The following PIWIL2 variants were observed in gnomAD, a reference collection of about 807,000 sequenced individuals.
PIWIL2 encodes the protein piwi-like protein 2.
Under a neutral mutation model 116.5 loss-of-function variants are expected in PIWIL2, and 81 were observed. The observed-to-expected ratio is 0.70, with a 90% confidence interval of 0.58 to 0.84. The LOEUF is 0.84. Among genes scored for constraint, PIWIL2 ranks in the 40% least tolerant of loss-of-function variants. The pLI is 0.00. For missense variants in PIWIL2, 1,272 were observed against 1,212.3 expected (o/e 1.05, Z -0.73); for synonymous variants, 489 against 429.5 (o/e 1.14, Z -1.71).
chr8:22,338,416 TG>T (rs1002826398), intron 20 of PIWIL2, among the ~76,000 whole-genome samples: 66 of 152,150 alleles, frequency 4.3e-4, no homozygotes, highest in African/African-American at 1.6e-3. Flanking sequence ...AATGGCCAGG[TG>T]GGGTGGCTCA....
intron 20 of PIWIL2, among the ~76,000 whole-genome samples, chr8:22,352,025 A>G (rs1240786919): frequency 1.3e-5 from 2 of 152,030 alleles, no homozygotes; most frequent in African/African-American, 4.8e-5. Flanking sequence ...GCTTGCTGCA[A>G]CCTCCACCCC....
intron 10 of PIWIL2, among the ~76,000 whole-genome samples, chr8:22,300,913 A>G (rs1831030911): frequency 6.6e-6 from 1 of 152,150 alleles, no homozygotes; most frequent in Non-Finnish European, 1.5e-5. Context: ...TATCAGGTGA[A>G]TGATATGCAC....
intron 1 of PIWIL2, chr8:22,275,917 G>A (rs1185604490): frequency 6.6e-6 from 1 of 152,324 alleles, no homozygotes; most frequent in Non-Finnish European, 1.5e-5. Flanking sequence ...CTGGGAGAGG[G>A]CCCTCTGGGG....
At position 22,308,045 on chromosome 8, in the gene PIWIL2, G is replaced by A. The variant is rs1831231120; in HGVS notation, c.1658G>A (p.Gly553Glu). 6.2e-7 allele frequency: 1 copy of A among 1,613,820 alleles called. No individual in the cohort carries two copies. Among genetic ancestry groups the A allele is most frequent in the South Asian group, 1.1e-5 (1 of 91,050 alleles). Residue 553 changes from glycine (G) to glutamate (E), a missense_variant, in exon 14 of 23, where the codon GGG becomes GAG. Transcript: ENST00000356766. ...EAATNELMRW[G>E]LRLQKDVHKI... The stretch of plus-strand genomic sequence containing the variant: ...GCCACCAATGAACTGATGCGTTGGG[G>A]GCTCCGTCTGCAAAAGGATGTACAT...
At chr8:22,347,931 A>G (rs1332073536) in intron 20 of PIWIL2, among the ~76,000 whole-genome samples, 3 of 152,024 alleles carry the variant, frequency 2.0e-5, no homozygotes, top group African/African-American at 4.8e-5. Flanking sequence ...TGTTATTTAT[A>G]ATATATTGAG....
intron 8 of PIWIL2, among the ~76,000 whole-genome samples, chr8:22,288,986 A>G (rs1439978050): frequency 6.6e-6 from 1 of 152,178 alleles, no homozygotes; most frequent in African/African-American, 2.4e-5. Context: ...CTACTTAAAG[A>G]GGTTGTGTGT....
rs186795073 is a variant in PIWIL2, at chr8:22,340,146, G to A, written c.2404-12813G>A. Among the ~76,000 whole-genome samples, 74 of 136,092 alleles carry A rather than the reference G, an allele frequency of 5.4e-4. No individual in the cohort carries two copies. The East Asian group carries it at 0.014, about 26-fold the overall frequency. 89.3% of individuals were successfully genotyped at this position (136,092 alleles called of 152,430 possible). A position where few individuals can be genotyped will look rare whatever the true frequency, so the allele number is the denominator to read the frequency against. ...CAGCTCACCGCAACCTCCGCCTCCC[G>A]GGATCAAGTGATTCTCCTGCCTCAG... On this transcript the variant is annotated intron_variant, in intron 20 of 22. Transcript: ENST00000356766.
chr8:22,336,805 T>C (rs910399365), intron 20 of PIWIL2, among the ~76,000 whole-genome samples: 3 of 151,994 alleles, frequency 2.0e-5, no homozygotes, highest in Admixed American at 6.6e-5. Context: ...AACAATAGAA[T>C]CAATGAAGCC....
intron 20 of PIWIL2, among the ~76,000 whole-genome samples, chr8:22,335,589 T>A (rs374263240): frequency 7.0e-6 from 1 of 143,616 alleles, no homozygotes; most frequent in African/African-American, 2.6e-5. Context: ...GCTCTGTTGC[T>A]CAGGCTGGAG....
intron 20 of PIWIL2, among the ~76,000 whole-genome samples, chr8:22,322,868 G>A (rs1173204648): frequency 6.6e-6 from 1 of 152,124 alleles, no homozygotes; most frequent in East Asian, 1.9e-4. Flanking sequence ...AATTATCTCA[G>A]GTTGTGATTA....
At chr8:22,316,391 A>G (rs1057010081) in intron 19 of PIWIL2, 58 bp downstream of exon 19, 1 of 980,382 alleles carries the variant, frequency 1.0e-6, no homozygotes. Flanking sequence ...GCCTAATCTT[A>G]TTATAAATCC....
In PIWIL2 at chr8:22,283,190, C is replaced by A. The variant is rs760635851; in HGVS notation, c.582C>A (p.Pro194=). Residue 194 remains proline, a synonymous_variant, in exon 5 of 23, where the codon CCC becomes CCA. Coordinates refer to ENST00000356766, the MANE Select transcript of PIWIL2 (RefSeq NM_018068.5). ...LSSPPALPQS[P]LHSPDRPLVL... The stretch of plus-strand genomic sequence containing the variant: ...CACCACCAGCTCTGCCCCAGTCTCC[C>A]CTGCACTCTCCAGATCGCCCTCTGG... The A allele has an allele frequency of 3.1e-6, 5 of 1,614,046 alleles. No individual in the cohort carries two copies. The South Asian group carries it at 3.3e-5, about 11-fold the overall frequency.
chr8:22,307,837 A>G (rs767200865), intron 13 of PIWIL2, 96 bp from the exon 14 acceptor site: 9 of 904,356 alleles, frequency 1.0e-5, no homozygotes, highest in African/African-American at 6.7e-5. Context: ...GCTGATTTCA[A>G]TGGGAAAGAG....
intron 13 of PIWIL2, 46 bp from the exon 14 acceptor site, chr8:22,307,887 T>G (rs1305317932): frequency 6.9e-7 from 1 of 1,455,710 alleles, no homozygotes; most frequent in African/African-American, 1.4e-5. Flanking sequence ...AACTTCATAT[T>G]GGTGAAGTTA....
intron 16 of PIWIL2, among the ~76,000 whole-genome samples, chr8:22,312,386 T>C (rs1831354954): frequency 6.6e-6 from 1 of 152,156 alleles, no homozygotes; most frequent in Non-Finnish European, 1.5e-5. Flanking sequence ...CGCCTCAGCC[T>C]TCCAAGTAGC....
chr8:22,284,217 C>G lies in PIWIL2; in HGVS notation c.688C>G (p.Leu230Val). ...KGTPQSLGLN[L>V]VKIQCHNEAV... ...AACACCTCAGTCTTTGGGACTGAAC[C>G]TCGTCAAAATACAGTGTCATAATGA... is the stretch of plus-strand genomic sequence containing the variant. Residue 230 changes from leucine (L) to valine (V), a missense_variant, in exon 6 of 23, where the codon CTC becomes GTC. Leu to Val is a conservative substitution (Grantham distance 32). Transcript: ENST00000356766. 1.9e-6 allele frequency: 3 copies of G among 1,607,356 alleles called. No individual in the cohort carries two copies. Among genetic ancestry groups the G allele is most frequent in the Non-Finnish European group, 2.5e-6 (3 of 1,176,776 alleles).
intron 10 of PIWIL2, among the ~76,000 whole-genome samples, chr8:22,291,732 C>A (rs1454725841): frequency 6.6e-6 from 1 of 152,098 alleles, no homozygotes; most frequent in African/African-American, 2.4e-5. Flanking sequence ...TCATTCATTG[C>A]TTCAGTGTAT....
chr8:22,341,105 C>T (rs533882800), intron 20 of PIWIL2, among the ~76,000 whole-genome samples: 1 of 152,234 alleles, frequency 6.6e-6, no homozygotes, highest in Non-Finnish European at 1.5e-5. Context: ...TTGAGCCACC[C>T]AGTTCATGGT....
chr8:22,318,016 C>G (rs1318856257), intron 19 of PIWIL2, among the ~76,000 whole-genome samples, 154 bp from the exon 20 acceptor site: 1 of 152,170 alleles, frequency 6.6e-6, no homozygotes, highest in East Asian at 1.9e-4. Flanking sequence ...TTCTCCATGT[C>G]ACTGCTTGTT....
Sources: allele counts gnomAD v4.1 joint callset (sites outside exome capture counted in the v4.1 genomes callset), GRCh38; gene constraint gnomAD v4.1.1; transcripts MANE v1.5; gene names NCBI Gene and HGNC (gene_info 2026-07-23, HGNC 2026-07-21).